MICU1: variants seen among roughly 807,000 people sequenced by gnomAD.
MICU1 encodes the protein mitochondrial calcium uptake 1, also known as calcium uptake protein 1, mitochondrial.
A neutral mutation model predicts 56.8 loss-of-function variants in MICU1; 45 were observed. The observed-to-expected ratio is 0.79, with a 90% CI of 0.62 to 1.02. The LOEUF is 1.02. MICU1 is among the 50% of genes least tolerant of loss of function. The pLI, the probability that MICU1 is intolerant of heterozygous loss-of-function variation, is 0.00. For missense variants in MICU1, 504 were observed against 587.1 expected (o/e 0.86, Z 1.46); for synonymous variants, 186 against 195.1 (o/e 0.95, Z 0.39).
intron 1 of MICU1, among the ~76,000 whole-genome samples, chr10:72,578,195 C>A (rs745989048): frequency 3.9e-5 from 6 of 152,118 alleles, no homozygotes; most frequent in African/African-American, 7.2e-5. Flanking sequence ...GGAGGCAAGA[C>A]CCTCTATCAG....
At chr10:72,463,891 A>T (rs535385315) in intron 8 of MICU1, among the ~76,000 whole-genome samples, 1 of 152,300 alleles carries the variant, frequency 6.6e-6, no homozygotes, top group Non-Finnish European at 1.5e-5. Flanking sequence ...GCCTTTACAG[A>T]TGTACCATTT....
At chr10:72,552,597 C>T (rs1840061497) in intron 3 of MICU1, among the ~76,000 whole-genome samples, 1 of 151,696 alleles carries the variant, frequency 6.6e-6, no homozygotes, top group Non-Finnish European at 1.5e-5. Context: ...TTCTTGTTGC[C>T]CAGGCTGGAG....
intron 8 of MICU1, among the ~76,000 whole-genome samples, chr10:72,458,345 T>C (rs1865538214): frequency 1.3e-5 from 2 of 152,176 alleles, no homozygotes; most frequent in African/African-American, 4.8e-5. Flanking sequence ...GAAACTACTT[T>C]AGGTTCTTCC....
rs538881377 is a variant in MICU1, at chr10:72,564,557, A to G, written c.162-1494T>C. On this transcript the variant is annotated intron_variant, in intron 2 of 11. Transcript: ENST00000361114. ...CCATCTCAAAAAGAAAAAAAAAAAAAAAAAAAGAAAAGAAAAATGGAGGCC... is the reference window on the plus strand; with the variant it reads ...CCATCTCAAAAAGAAAAAAAAAAAAGAAAAAAGAAAAGAAAAATGGAGGCC... Among the ~76,000 whole-genome samples the G allele has an allele frequency of 3.3e-5, 5 of 150,856 alleles. No individual in the cohort carries two copies. The East Asian group carries it at 7.7e-4, about 23-fold the overall frequency.
chr10:72,416,085 T>C (rs1260455202), intron 9 of MICU1, among the ~76,000 whole-genome samples: 1 of 152,200 alleles, frequency 6.6e-6, no homozygotes, highest in Non-Finnish European at 1.5e-5. Flanking sequence ...GAACTAGTGA[T>C]AATTAATTTA....
intron 4 of MICU1, among the ~76,000 whole-genome samples, chr10:72,537,270 G>A (rs73281000): frequency 6.6e-6 from 1 of 152,340 alleles, no homozygotes; most frequent in African/African-American, 2.4e-5. Context: ...ATGTTTGGAA[G>A]TGGAGTGTGG....
At chr10:72,590,745 G>A (rs745644258) in intron 1 of MICU1, among the ~76,000 whole-genome samples, 11 of 151,938 alleles carry the variant, frequency 7.2e-5, no homozygotes, top group Non-Finnish European at 1.6e-4. Flanking sequence ...CCCGGGAGGC[G>A]GAGGTTGCAG....
At position 72,490,967 on chromosome 10, in the gene MICU1, G is replaced by A. The variant is rs548322876; in HGVS notation, c.653-13711C>T. 2.0e-5 allele frequency among the ~76,000 whole-genome samples: 3 copies of A among 152,274 alleles called. No homozygotes were observed. The South Asian group carries it at 6.2e-4, about 32-fold the overall frequency. On this transcript the variant is annotated intron_variant, in intron 6 of 11. Transcript: ENST00000361114. ...AGTGGAAAGAGCCCAAAGGAAGCCT[G>A]TGTTTTTCACTGACGTTCCACCACT...
In MICU1 at chr10:72,626,040, G is replaced by A. The variant is rs1842220712; in HGVS notation, c.-32C>T. The A allele has an allele frequency of 6.5e-6, 1 of 152,854 alleles. No homozygotes were observed. Among genetic ancestry groups the A allele is most frequent in the Non-Finnish European group, 1.5e-5 (1 of 68,504 alleles). 9.5% of individuals were successfully genotyped at this position (152,854 alleles called of 1,614,324 possible). A position where few individuals can be genotyped will look rare whatever the true frequency, so the allele number is the denominator to read the frequency against. ...CAAACACGAGCTCCAGCAGCCTCTCGGTCAAAGCCGCCCACCTCTGACAGC... is the reference window on the plus strand; with the variant it reads ...CAAACACGAGCTCCAGCAGCCTCTCAGTCAAAGCCGCCCACCTCTGACAGC... On this transcript the variant is annotated 5_prime_UTR_variant, in exon 1 of 12. Coordinates refer to ENST00000361114, the MANE Select transcript of MICU1 (RefSeq NM_001195518.2).
intron 8 of MICU1, among the ~76,000 whole-genome samples, chr10:72,474,556 C>T (rs1402333936): frequency 6.6e-6 from 1 of 152,142 alleles, no homozygotes; most frequent in South Asian, 2.1e-4. Flanking sequence ...AGGATCTCAC[C>T]GTGTTGCCCA....
intron 8 of MICU1, among the ~76,000 whole-genome samples, chr10:72,474,249 G>C (rs1237972402): frequency 9.3e-6 from 1 of 107,882 alleles, no homozygotes; most frequent in Non-Finnish European, 1.7e-5. Flanking sequence ...TGATGGAGTA[G>C]GACTGTCTCA....
At chr10:72,444,344 C>G (rs904462092) in intron 8 of MICU1, among the ~76,000 whole-genome samples, 1 of 151,058 alleles carries the variant, frequency 6.6e-6, no homozygotes, top group South Asian at 2.1e-4. Context: ...GCACATTGTG[C>G]ACATGTACCC....
chr10:72,469,076 A>G (rs1280066872), intron 8 of MICU1, among the ~76,000 whole-genome samples: 1 of 152,218 alleles, frequency 6.6e-6, no homozygotes, highest in Non-Finnish European at 1.5e-5. Flanking sequence ...TGGGTAAAAC[A>G]TCACTAAACC....
At chr10:72,544,182 C>T (rs945533469) in intron 4 of MICU1, among the ~76,000 whole-genome samples, 1 of 152,104 alleles carries the variant, frequency 6.6e-6, no homozygotes, top group Non-Finnish European at 1.5e-5. Context: ...GCTGCTTGCT[C>T]AATTGATCAT....
intron 6 of MICU1, among the ~76,000 whole-genome samples, chr10:72,497,978 C>T (rs746635918): frequency 1.8e-4 from 27 of 152,206 alleles, no homozygotes; most frequent in Admixed American, 5.9e-4. Flanking sequence ...TATCCACTGC[C>T]TAAGTTTTCT....
intron 1 of MICU1, among the ~76,000 whole-genome samples, chr10:72,615,908 G>A (rs981731147): frequency 6.6e-6 from 1 of 152,098 alleles, no homozygotes; most frequent in Non-Finnish European, 1.5e-5. Flanking sequence ...AGAATGGCGT[G>A]AACCCGGGAG....
At chr10:72,546,980 C>T (rs900840652) in intron 4 of MICU1, among the ~76,000 whole-genome samples, 1 of 152,008 alleles carries the variant, frequency 6.6e-6, no homozygotes, top group Non-Finnish European at 1.5e-5. Flanking sequence ...CAAGCTCCAC[C>T]TCCTGGGTTC....
chr10:72,425,697 T>C (rs1864324569), intron 8 of MICU1, among the ~76,000 whole-genome samples: 1 of 152,184 alleles, frequency 6.6e-6, no homozygotes, highest in Non-Finnish European at 1.5e-5. Context: ...TTTAGGTTTT[T>C]AGGCTTTTCT....
chr10:72,544,060 A>G (rs556619093), intron 4 of MICU1, among the ~76,000 whole-genome samples: 1 of 152,308 alleles, frequency 6.6e-6, no homozygotes, highest in East Asian at 1.9e-4. Flanking sequence ...CTAAACGGTT[A>G]TGTTATCTAT....
Sources: gnomAD v4.1 joint callset for allele counts (sites outside exome capture counted in the v4.1 genomes callset) on GRCh38, gnomAD v4.1.1 for gene constraint, MANE v1.5 for transcripts, NCBI Gene and HGNC (gene_info 2026-07-23, HGNC 2026-07-21) for gene names.